Variants in CDH12 observed in about 807,000 individuals in gnomAD.
The protein encoded by CDH12 is cadherin-12.
In CDH12, 41 loss-of-function variants were observed where a neutral mutation model predicts 74.1. The observed-to-expected ratio is 0.55, with a 90% CI of 0.43 to 0.72. The LOEUF is 0.72. Among genes scored for constraint, CDH12 ranks in the 30% least tolerant of loss-of-function variants. The probability of loss-of-function intolerance (pLI) is 0.00; values close to 1 mark genes in which losing one functional copy is unlikely to be tolerated. For missense variants in CDH12, 945 were observed against 977.2 expected (o/e 0.97, Z 0.44); for synonymous variants, 399 against 355.0 (o/e 1.12, Z -1.39).
chr5:22,396,934 A>G (rs993012884), intron 3 of CDH12, among the ~76,000 whole-genome samples: 10 of 151,892 alleles, frequency 6.6e-5, no homozygotes, highest in Non-Finnish European at 1.5e-4. Context: ...CTTATCTGCC[A>G]TTTACTCTGG....
At chr5:22,423,614 ACAG>A (rs921118755) in intron 2 of CDH12, among the ~76,000 whole-genome samples, 16 of 151,344 alleles carry the variant, frequency 1.1e-4, no homozygotes, top group African/African-American at 3.9e-4. Flanking sequence ...ATCAAAAACA[ACAG>A]AATTCAAAAA....
chr5:21,829,430 C>G (rs959101937), intron 8 of CDH12, among the ~76,000 whole-genome samples: 3 of 152,126 alleles, frequency 2.0e-5, no homozygotes, highest in Non-Finnish European at 4.4e-5. Context: ...ATTTTTTCAT[C>G]CTCTATACTT....
intron 1 of CDH12, among the ~76,000 whole-genome samples, chr5:22,811,278 C>T (rs1749136863): frequency 6.6e-6 from 1 of 152,006 alleles, no homozygotes. Flanking sequence ...GATTTCACAG[C>T]GGTTAATCTT....
intron 1 of CDH12, among the ~76,000 whole-genome samples, chr5:22,828,228 T>C (rs1736428059): frequency 6.6e-6 from 1 of 152,158 alleles, no homozygotes; most frequent in Admixed American, 6.6e-5. Context: ...TCAGTGAATC[T>C]GAGAAGAAAG....
At chr5:22,677,666 T>C (rs1489243799) in intron 1 of CDH12, among the ~76,000 whole-genome samples, 1 of 152,090 alleles carries the variant, frequency 6.6e-6, no homozygotes, top group Non-Finnish European at 1.5e-5. Context: ...ACACAGATAA[T>C]AAGGGAGAGA....
intron 1 of CDH12, among the ~76,000 whole-genome samples, chr5:22,762,169 T>C (rs2127057503): frequency 6.6e-6 from 1 of 152,246 alleles, no homozygotes; most frequent in African/African-American, 2.4e-5. Flanking sequence ...TGTGTATATG[T>C]ACAAACTCAC....
At chr5:22,627,050 G>A (rs1311820077) in intron 1 of CDH12, among the ~76,000 whole-genome samples, 7 of 151,978 alleles carry the variant, frequency 4.6e-5, no homozygotes, top group Non-Finnish European at 7.4e-5. Context: ...AAACAAAAAC[G>A]AACAAGAAAA....
At chr5:22,029,873 A>C (rs1356938696) in intron 5 of CDH12, among the ~76,000 whole-genome samples, 1 of 151,804 alleles carries the variant, frequency 6.6e-6, no homozygotes, top group African/African-American at 2.4e-5. Context: ...CAAATGTCCA[A>C]CAATGATAGA....
intron 1 of CDH12, among the ~76,000 whole-genome samples, chr5:22,825,901 C>T (rs1030879620): frequency 2.0e-5 from 3 of 151,486 alleles, no homozygotes; most frequent in Non-Finnish European, 4.4e-5. Context: ...AGTGTAGATG[C>T]TGATAATTAG....
chr5:22,652,904 G>A (rs973144684), intron 1 of CDH12, among the ~76,000 whole-genome samples: 4 of 152,106 alleles, frequency 2.6e-5, no homozygotes, highest in Admixed American at 2.0e-4. Flanking sequence ...GTTATTTCAT[G>A]GTAGAAGAGA....
chr5:22,124,739 A>G (rs536036090), intron 4 of CDH12, among the ~76,000 whole-genome samples: 1 of 152,174 alleles, frequency 6.6e-6, no homozygotes, highest in African/African-American at 2.4e-5. Context: ...TGATCTTCAC[A>G]TGGGTGAGGA....
At chr5:21,980,448 T>A (rs1580061396) in intron 5 of CDH12, among the ~76,000 whole-genome samples, 1 of 152,258 alleles carries the variant, frequency 6.6e-6, no homozygotes, top group Middle Eastern at 3.4e-3. Context: ...AAAATGATTT[T>A]AATATTCTCT....
chr5:22,545,326 G>A (rs1281098095), intron 1 of CDH12, among the ~76,000 whole-genome samples: 2 of 152,196 alleles, frequency 1.3e-5, no homozygotes, highest in Non-Finnish European at 2.9e-5. Flanking sequence ...GCATTTAAAT[G>A]AGGTAAAATT....
At chr5:22,549,509 G>A (rs1738472355) in intron 1 of CDH12, among the ~76,000 whole-genome samples, 1 of 151,894 alleles carries the variant, frequency 6.6e-6, no homozygotes, top group Non-Finnish European at 1.5e-5. Context: ...CTTCCAGAGA[G>A]CTATTTTGTT....
At chr5:21,888,135 T>C (rs1752727284) in intron 6 of CDH12, among the ~76,000 whole-genome samples, 1 of 152,176 alleles carries the variant, frequency 6.6e-6, no homozygotes, top group African/African-American at 2.4e-5. Context: ...GGTTGCAATA[T>C]GGTGCAACCG....
intron 1 of CDH12, among the ~76,000 whole-genome samples, chr5:22,803,809 G>C (rs897003494): frequency 3.2e-4 from 48 of 152,198 alleles, no homozygotes; most frequent in African/African-American, 1.1e-3. Context: ...AAATCCTTTC[G>C]TGTGTTTTGT....
At chr5:22,705,327 T>C (rs1742948043) in intron 1 of CDH12, among the ~76,000 whole-genome samples, 1 of 152,102 alleles carries the variant, frequency 6.6e-6, no homozygotes, top group African/African-American at 2.4e-5. Flanking sequence ...TAACAAGGTC[T>C]GTCAAACATA....
chr5:22,277,107 C>T (rs1736667394), intron 3 of CDH12, among the ~76,000 whole-genome samples: 1 of 152,152 alleles, frequency 6.6e-6, no homozygotes. Flanking sequence ...ACATTTTGTG[C>T]CGCCTGTGGC....
At chr5:22,558,652 GA>G (rs565915996) in intron 1 of CDH12, among the ~76,000 whole-genome samples, 44 of 151,814 alleles carry the variant, frequency 2.9e-4, no homozygotes, top group Non-Finnish European at 5.6e-4. Context: ...AAGAGAGGGG[GA>G]AAAAACCATA....
Sources: allele counts gnomAD v4.1 joint callset (sites outside exome capture counted in the v4.1 genomes callset), GRCh38; gene constraint gnomAD v4.1.1; transcripts MANE v1.5; gene names NCBI Gene and HGNC (gene_info 2026-07-23, HGNC 2026-07-21).